The following WDR41 variants were observed in gnomAD, a reference collection of about 807,000 sequenced individuals.
WDR41 encodes the protein WD repeat domain 41.
In WDR41, 63 loss-of-function variants were observed where a neutral mutation model predicts 69.3. The ratio of observed to expected loss-of-function variants is 0.91; its 90% confidence interval spans 0.74 to 1.12. WDR41 has a LOEUF of 1.12. Ranked by LOEUF, WDR41 falls within the 50% of genes most tolerant of loss-of-function variation. WDR41 has a pLI of 0.00. For missense variants in WDR41, 543 were observed against 534.5 expected (o/e 1.02, Z -0.16); for synonymous variants, 185 against 192.1 (o/e 0.96, Z 0.31).
At chr5:77,559,604 C>A (rs545650296) in intron 1 of WDR41, among the ~76,000 whole-genome samples, 9 of 151,018 alleles carry the variant, frequency 6.0e-5, no homozygotes, top group African/African-American at 2.2e-4. Flanking sequence ...CATAACATAT[C>A]TATAATTTGT....
intron 1 of WDR41, among the ~76,000 whole-genome samples, chr5:77,571,448 A>C (rs1346224216): frequency 6.6e-6 from 1 of 152,066 alleles, no homozygotes; most frequent in Non-Finnish European, 1.5e-5. Flanking sequence ...GAGGAAGAGA[A>C]AGAGGGGAAG....
At chr5:77,549,005 C>G (rs1288282254) in intron 1 of WDR41, among the ~76,000 whole-genome samples, 5 of 151,992 alleles carry the variant, frequency 3.3e-5, no homozygotes, top group Non-Finnish European at 5.9e-5. Context: ...AGATTGGAGA[C>G]TATTATTCTA....
intron 6 of WDR41, chr5:77,452,971 CAG>C (rs1799684083): frequency 6.6e-6 from 1 of 152,078 alleles, no homozygotes; most frequent in South Asian, 2.1e-4. Flanking sequence ...TAATAGTAAA[CAG>C]GGAAATATAT....
intron 2 of WDR41, among the ~76,000 whole-genome samples, chr5:77,484,382 C>T (rs1210291552): frequency 1.3e-5 from 2 of 152,160 alleles, no homozygotes; most frequent in East Asian, 3.9e-4. Flanking sequence ...AACACATTCA[C>T]CACACATGGT....
chr5:77,435,898 G>A (rs1420559213), intron 12 of WDR41, among the ~76,000 whole-genome samples: 2 of 152,262 alleles, frequency 1.3e-5, no homozygotes, highest in South Asian at 2.1e-4. Context: ...CCTGGAATTC[G>A]ATTCTGTTAA....
intron 12 of WDR41, among the ~76,000 whole-genome samples, chr5:77,434,015 C>G (rs902927873): frequency 4.6e-5 from 7 of 152,084 alleles, no homozygotes; most frequent in African/African-American, 1.4e-4. Flanking sequence ...GGATGAGGTC[C>G]TCGAAGGAAA....
At chr5:77,455,989 A>C (rs979410799) in intron 5 of WDR41, among the ~76,000 whole-genome samples, 2 of 151,468 alleles carry the variant, frequency 1.3e-5, no homozygotes, top group South Asian at 2.1e-4. Flanking sequence ...AAAAAAAACA[A>C]CAAAAAAACA....
At position 77,539,843 on chromosome 5, in the gene WDR41, T is replaced by C. The variant is rs189377059; in HGVS notation, c.43-50271A>G. 5.9e-5 allele frequency among the ~76,000 whole-genome samples: 9 copies of C among 152,284 alleles called. 1 individual carries two copies. Among genetic ancestry groups the C allele is most frequent in the Admixed American group, 5.9e-4 (9 of 15,298 alleles). On this transcript the variant is annotated intron_variant, in intron 1 of 5. Coordinates refer to the WDR41 transcript ENST00000509971. ...AGGATAATCACATAAACTTGGATTA[T>C]ATCCAATGAATATTCCTGACAGCTC...
At chr5:77,582,567 G>T in intron 1 of WDR41, 1 of 1,599,728 alleles carries the variant, frequency 6.3e-7, no homozygotes, top group Non-Finnish European at 8.5e-7. Context: ...ATAGGCAAAT[G>T]TACAGAACTG....
Position 77,492,264 on chromosome 5 carries a change from C to G in WDR41, c.-44G>C. On this transcript the variant is annotated 5_prime_UTR_variant, in exon 1 of 13. Coordinates refer to ENST00000296679, the MANE Select transcript of WDR41 (RefSeq NM_018268.4). Reference sequence around the variant, plus strand: ...TTGCCCGGTCCAGCCCCAGTCAGCCCAAACTCCGCCCCAGGCTCGGCCTCC... The same window carrying G: ...TTGCCCGGTCCAGCCCCAGTCAGCCGAAACTCCGCCCCAGGCTCGGCCTCC... 1 of 1,608,618 alleles carries G rather than the reference C, an allele frequency of 6.2e-7. No homozygotes were observed. Among genetic ancestry groups the G allele is most frequent in the Non-Finnish European group, 8.5e-7 (1 of 1,177,952 alleles).
At chr5:77,476,744 A>G (rs573400059) in intron 2 of WDR41, among the ~76,000 whole-genome samples, 15 of 151,294 alleles carry the variant, frequency 9.9e-5, no homozygotes, top group Admixed American at 4.0e-4. Context: ...GACCATCGAG[A>G]CTAGGAAGAA....
chr5:77,463,735 T>C (rs182852155), intron 3 of WDR41, among the ~76,000 whole-genome samples: 5 of 152,328 alleles, frequency 3.3e-5, no homozygotes, highest in Admixed American at 3.3e-4. Context: ...CACCAACATC[T>C]ATTCCTACCC....
At chr5:77,581,211 A>G (rs1743933230) in intron 1 of WDR41, among the ~76,000 whole-genome samples, 1 of 152,078 alleles carries the variant, frequency 6.6e-6, no homozygotes, top group South Asian at 2.1e-4. Flanking sequence ...AACAGATACT[A>G]CTAATAACAG....
In WDR41 at chr5:77,436,331, T is replaced by C. The variant is rs141453380; in HGVS notation, c.1157A>G (p.Gln386Arg). The C allele has an allele frequency of 1.0e-4, 164 of 1,614,178 alleles. No homozygotes were observed. The African/African-American group carries it at 2.1e-3, about 21-fold the overall frequency. Residue 386 changes from glutamine (Q) to arginine (R), a missense_variant, in exon 12 of 13, where the codon CAG becomes CGG. Physicochemically the swap from Gln to Arg is conservative, Grantham distance 43. Coordinates refer to ENST00000296679, the MANE Select transcript of WDR41 (RefSeq NM_018268.4). Reference protein sequence around the residue: ...SKQASQPVKKQQENATSCSLE... With the variant: ...SKQASQPVKKRQENATSCSLE... ...TGAACATGAAGTAGCATTTTCTTGC[T>C]GCTTTTTAACAGGTTGGCTGGCTTG... is the stretch of plus-strand genomic sequence containing the variant.
chr5:77,603,519 C>T (rs546641038), intron 1 of WDR41, among the ~76,000 whole-genome samples: 6 of 152,314 alleles, frequency 3.9e-5, no homozygotes, highest in African/African-American at 1.2e-4. Context: ...TCCCATCCAA[C>T]AGGTTGTCTC....
chr5:77,504,868 C>T (rs1020799344), intron 1 of WDR41, among the ~76,000 whole-genome samples: 11 of 152,090 alleles, frequency 7.2e-5, no homozygotes, highest in African/African-American at 2.2e-4. Context: ...ATCGATGGAA[C>T]GTATCTCAAA....
chr5:77,436,214 T>G, intron 12 of WDR41, 47 bp downstream of exon 12: 1 of 1,585,666 alleles, frequency 6.3e-7, no homozygotes. Flanking sequence ...AGCAATGAAA[T>G]GCAAAAGCAG....
At chr5:77,452,233 A>G (rs954729238) in intron 6 of WDR41, 3 of 152,214 alleles carry the variant, frequency 2.0e-5, no homozygotes, top group African/African-American at 7.2e-5. Flanking sequence ...GAAGGAGGAA[A>G]TGGTGCTGCA....
Position 77,449,751 on chromosome 5 carries a change from T to G in WDR41, c.697+9A>C. Reference sequence around the variant, plus strand: ...AACTGTACATAATAAATGTACACAATGAGCTTACCATTGACATTAATCAAT... The same window carrying G: ...AACTGTACATAATAAATGTACACAAGGAGCTTACCATTGACATTAATCAAT... On this transcript the variant is annotated intron_variant, in intron 8 of 12. Transcript: ENST00000296679. The G allele has an allele frequency of 1.1e-4, 178 of 1,575,082 alleles. No homozygotes were observed. The highest frequency in any genetic ancestry group is 1.4e-4 in the Non-Finnish European group (164 of 1,145,234).
Sources: allele counts gnomAD v4.1 joint callset (sites outside exome capture counted in the v4.1 genomes callset), GRCh38; gene constraint gnomAD v4.1.1; transcripts MANE v1.5; gene names NCBI Gene and HGNC (gene_info 2026-07-23, HGNC 2026-07-21).